ADAM22: variants seen among roughly 807,000 people sequenced by gnomAD.
ADAM22 encodes the protein ADAM metallopeptidase domain 22, also known as disintegrin and metalloproteinase domain-containing protein 22.
ADAM22 carries 65 observed loss-of-function variants against 144.6 expected under a neutral mutation model. The observed-to-expected ratio is 0.45, with a 90% CI of 0.37 to 0.55. ADAM22 has a LOEUF of 0.55. Among genes scored for constraint, ADAM22 ranks in the 20% least tolerant of loss-of-function variants. The pLI is 0.00. For synonymous variants in ADAM22, 391 were observed against 412.6 expected (o/e 0.95, Z 0.63); for missense variants, 974 against 1,184.9 (o/e 0.82, Z 2.61).
Position 88,128,845 on chromosome 7 carries a change from A to G in ADAM22, c.753+169A>G, listed in dbSNP as rs185223310. ...AACAACCTGCAATTAGGAAATATTC[A>G]TAGGTGGAAATAACTAGCAGTAACT... On this transcript the variant is annotated intron_variant, in intron 9 of 31. Coordinates refer to ENST00000413139, the MANE Select transcript of ADAM22 (RefSeq NM_001324418.2). Among the ~76,000 whole-genome samples the G allele has an allele frequency of 1.3e-4, 20 of 152,218 alleles. No homozygotes were observed. The East Asian group carries it at 3.9e-3, about 29-fold the overall frequency.
chr7:88,139,086 A>G (rs1833859819), intron 14 of ADAM22, among the ~76,000 whole-genome samples: 1 of 152,180 alleles, frequency 6.6e-6, no homozygotes, highest in Non-Finnish European at 1.5e-5. Context: ...TTACTTTGGC[A>G]GTATGGATCC....
At chr7:87,989,577 T>G (rs748915850) in intron 3 of ADAM22, among the ~76,000 whole-genome samples, 7 of 152,192 alleles carry the variant, frequency 4.6e-5, no homozygotes, top group Non-Finnish European at 8.8e-5. Flanking sequence ...TTTGTTTTTC[T>G]TTGCTACTAT....
chr7:88,182,194 A>G (rs1847209274), intron 29 of ADAM22, 170 bp downstream of exon 29: 3 of 595,894 alleles, frequency 5.0e-6, no homozygotes, highest in Admixed American at 3.3e-5. Context: ...TCTCTCTTAC[A>G]TAGGCATCTC....
intron 3 of ADAM22, among the ~76,000 whole-genome samples, chr7:88,043,252 G>A (rs747441479): frequency 1.3e-5 from 2 of 150,372 alleles, no homozygotes; most frequent in East Asian, 1.9e-4. Context: ...TTGGGAGGCC[G>A]AGATGGGCAG....
intron 3 of ADAM22, among the ~76,000 whole-genome samples, chr7:87,997,812 A>G (rs1791580415): frequency 6.6e-6 from 1 of 152,228 alleles, no homozygotes; most frequent in Admixed American, 6.5e-5. Context: ...GGCTTGTATT[A>G]GTCAGGGACA....
At chr7:88,021,735 A>G (rs1230070681) in intron 3 of ADAM22, among the ~76,000 whole-genome samples, 3 of 152,096 alleles carry the variant, frequency 2.0e-5, no homozygotes, top group African/African-American at 7.2e-5. Flanking sequence ...AATATTATGT[A>G]TGTGTACTTG....
At chr7:87,961,028 T>C (rs1449002123) in intron 2 of ADAM22, among the ~76,000 whole-genome samples, 2 of 152,224 alleles carry the variant, frequency 1.3e-5, no homozygotes, top group Non-Finnish European at 2.9e-5. Flanking sequence ...ATATGGTATG[T>C]TCAAAGGTGA....
intron 4 of ADAM22, among the ~76,000 whole-genome samples, chr7:88,093,620 C>T (rs749049905): frequency 1.3e-5 from 2 of 152,036 alleles, no homozygotes; most frequent in Non-Finnish European, 2.9e-5. Flanking sequence ...AGTCTTGGCT[C>T]GCTGCAGACT....
intron 3 of ADAM22, among the ~76,000 whole-genome samples, chr7:87,994,452 C>T (rs965887674): frequency 1.1e-4 from 16 of 152,314 alleles, no homozygotes; most frequent in Admixed American, 5.9e-4. Flanking sequence ...TGAGCCACCG[C>T]GCCCGGCCTA....
At chr7:88,051,417 T>C (rs1269644157) in intron 3 of ADAM22, among the ~76,000 whole-genome samples, 5 of 152,154 alleles carry the variant, frequency 3.3e-5, no homozygotes, top group Admixed American at 1.3e-4. Flanking sequence ...TGGATGAAGC[T>C]GGAAACCATC....
At chr7:88,105,330 A>G (rs1224325277) in intron 4 of ADAM22, among the ~76,000 whole-genome samples, 1 of 152,180 alleles carries the variant, frequency 6.6e-6, no homozygotes, top group Non-Finnish European at 1.5e-5. Context: ...ACTGTCCAAT[A>G]TAAGGAAACA....
intron 12 of ADAM22, among the ~76,000 whole-genome samples, chr7:88,133,362 C>CTAAATAAA (rs3085472): frequency 3.4e-4 from 48 of 142,212 alleles, no homozygotes; most frequent in African/African-American, 7.6e-4. Flanking sequence ...GACCCTGTCT[C>CTAAATAAA]TAAATAAATA....
chr7:88,054,717 A>T lies in ADAM22; in HGVS notation c.324-20909A>T, dbSNP rs1261961032. Among the ~76,000 whole-genome samples the T allele has an allele frequency of 5.9e-5, 9 of 151,816 alleles. No individual in the cohort carries two copies. In the South Asian group the frequency reaches 1.7e-3, roughly 28 times the overall value. ...TGAATTGTGTTCGTGGGTTCTTTGT[A>T]CATTCTTTCGCCATTTTCATCTCTT... On this transcript the variant is annotated intron_variant, in intron 3 of 31. Coordinates refer to ENST00000413139, the MANE Select transcript of ADAM22 (RefSeq NM_001324418.2).
intron 9 of ADAM22, among the ~76,000 whole-genome samples, chr7:88,130,005 C>G (rs1313215073): frequency 6.6e-6 from 1 of 152,068 alleles, no homozygotes; most frequent in African/African-American, 2.4e-5. Flanking sequence ...GTGTTCACAT[C>G]CACTTTACTG....
chr7:88,170,767 C>T (rs17342005), intron 25 of ADAM22, among the ~76,000 whole-genome samples: 3,335 of 152,008 alleles, frequency 0.022, 61 homozygotes, highest in Middle Eastern at 0.041. Flanking sequence ...ACCTTTCTAA[C>T]GTGTCTCCAA....
intron 3 of ADAM22, among the ~76,000 whole-genome samples, chr7:88,031,321 A>G (rs867992856): frequency 6.6e-6 from 1 of 152,184 alleles, no homozygotes; most frequent in African/African-American, 2.4e-5. Context: ...GGTTCAGAAG[A>G]AGAGAGGAAG....
chr7:88,116,325 T>C (rs1262585710), intron 6 of ADAM22, among the ~76,000 whole-genome samples: 2 of 152,162 alleles, frequency 1.3e-5, no homozygotes, highest in Admixed American at 1.3e-4. Context: ...CATTTACTTA[T>C]ACCAGGCATC....
At chr7:88,091,883 G>A (rs937327310) in intron 4 of ADAM22, among the ~76,000 whole-genome samples, 1 of 152,074 alleles carries the variant, frequency 6.6e-6, no homozygotes, top group African/African-American at 2.4e-5. Flanking sequence ...TGTTAGTTCA[G>A]GTGAGTCCCA....
chr7:88,006,612 A>T (rs1287356616), intron 3 of ADAM22, among the ~76,000 whole-genome samples: 2 of 148,122 alleles, frequency 1.4e-5, no homozygotes, highest in East Asian at 4.0e-4. Context: ...CAAATCAATA[A>T]ATGTAATCCA....
Sources: allele counts gnomAD v4.1 joint callset (sites outside exome capture counted in the v4.1 genomes callset), GRCh38; gene constraint gnomAD v4.1.1; transcripts MANE v1.5; gene names NCBI Gene and HGNC (gene_info 2026-07-23, HGNC 2026-07-21).